The following NEGR1 variants were observed in gnomAD, a reference collection of about 807,000 sequenced individuals.
NEGR1 encodes neuronal growth regulator 1.
Under a neutral mutation model 40.9 loss-of-function variants are expected in NEGR1, and 10 were observed. The observed-to-expected ratio is 0.24, with a 90% CI of 0.15 to 0.42. The LOEUF is 0.42. Among genes scored for constraint, NEGR1 ranks in the 10% least tolerant of loss-of-function variants. The probability of loss-of-function intolerance (pLI) is 1.00; values close to 1 mark genes in which losing one functional copy is unlikely to be tolerated. For synonymous variants in NEGR1, 185 were observed against 166.8 expected (o/e 1.11, Z -0.84); for missense variants, 352 against 438.9 (o/e 0.80, Z 1.77).
chr1:71,444,463 C>T (rs1368134472), intron 6 of NEGR1, among the ~76,000 whole-genome samples: 6 of 151,920 alleles, frequency 3.9e-5, no homozygotes, highest in Non-Finnish European at 5.9e-5. Flanking sequence ...TTCAGATTTC[C>T]GTTTCTATGT....
intron 1 of NEGR1, among the ~76,000 whole-genome samples, chr1:72,257,432 C>G (rs999529231): frequency 6.6e-6 from 1 of 150,874 alleles, no homozygotes; most frequent in Non-Finnish European, 1.5e-5. Context: ...CTCTTCTTAG[C>G]AAATAGGAAG....
intron 4 of NEGR1, among the ~76,000 whole-genome samples, chr1:71,620,303 A>AGTCCACATTGAAAAC (rs1476477919): frequency 6.6e-6 from 1 of 152,050 alleles, no homozygotes; most frequent in Non-Finnish European, 1.5e-5. Context: ...ACGCTGTGGA[A>AGTCCACATTGAAAAC]AATAAGCATG....
chr1:71,868,684 T>A (rs1660192074), intron 2 of NEGR1, among the ~76,000 whole-genome samples: 1 of 152,162 alleles, frequency 6.6e-6, no homozygotes, highest in Admixed American at 6.5e-5. Flanking sequence ...CATATCAAAC[T>A]GCTTCTAGTG....
chr1:71,772,944 G>A, intron 3 of NEGR1, among the ~76,000 whole-genome samples: 1 of 151,970 alleles, frequency 6.6e-6, no homozygotes, highest in East Asian at 1.9e-4. Context: ...CTCAAATATA[G>A]AATGGAAAAA....
intron 2 of NEGR1, among the ~76,000 whole-genome samples, chr1:71,805,264 A>G (rs1472344849): frequency 6.6e-6 from 1 of 151,998 alleles, no homozygotes; most frequent in Non-Finnish European, 1.5e-5. Context: ...GCCTCCATTT[A>G]CCTTGTGATA....
At chr1:71,746,203 T>C (rs1655377349) in intron 3 of NEGR1, among the ~76,000 whole-genome samples, 1 of 152,246 alleles carries the variant, frequency 6.6e-6, no homozygotes, top group Non-Finnish European at 1.5e-5. Context: ...GTGTTGGCCA[T>C]GACCCTTATG....
intron 2 of NEGR1, among the ~76,000 whole-genome samples, chr1:71,807,665 C>A (rs1657826707): frequency 6.6e-6 from 1 of 152,098 alleles, no homozygotes; most frequent in Admixed American, 6.6e-5. Context: ...AGGTAACAAA[C>A]CATTTCAAAT....
chr1:72,075,268 T>C (rs1647675297), intron 1 of NEGR1, among the ~76,000 whole-genome samples: 1 of 152,168 alleles, frequency 6.6e-6, no homozygotes, highest in Admixed American at 6.6e-5. Flanking sequence ...TTACAATTTC[T>C]TGAAAGAAGG....
At chr1:71,850,089 A>T (rs2101811670) in intron 2 of NEGR1, among the ~76,000 whole-genome samples, 1 of 131,416 alleles carries the variant, frequency 7.6e-6, no homozygotes, top group East Asian at 3.1e-4. Flanking sequence ...CTTACATACC[A>T]TTGTGTGTGT....
At chr1:71,426,475 C>T (rs1475004135) in intron 6 of NEGR1, among the ~76,000 whole-genome samples, 1 of 152,146 alleles carries the variant, frequency 6.6e-6, no homozygotes, top group East Asian at 1.9e-4. Context: ...GACAAATCAG[C>T]CTGTAATTTA....
intron 6 of NEGR1, among the ~76,000 whole-genome samples, chr1:71,432,609 G>A (rs529432456): frequency 1.8e-4 from 27 of 152,218 alleles, no homozygotes; most frequent in Non-Finnish European, 3.2e-4. Context: ...CTAAAGGAAC[G>A]AAGGCTAAAA....
intron 6 of NEGR1, among the ~76,000 whole-genome samples, chr1:71,560,427 C>CT (rs1648409464): frequency 2.8e-4 from 9 of 32,322 alleles, no homozygotes; most frequent in South Asian, 1.5e-3. Flanking sequence ...TGTAATTCTC[C>CT]ATTATATATA....
intron 5 of NEGR1, among the ~76,000 whole-genome samples, chr1:71,595,507 T>G (rs747131698): frequency 3.9e-5 from 6 of 152,202 alleles, no homozygotes; most frequent in Non-Finnish European, 7.3e-5. Flanking sequence ...TGTATATGTC[T>G]AGAGAATGTA....
chr1:71,728,818 C>T lies in NEGR1; in HGVS notation c.536-30679G>A, dbSNP rs979151158. 1.2e-4 allele frequency among the ~76,000 whole-genome samples: 19 copies of T among 152,136 alleles called. 1 individual carries two copies. The highest frequency in any genetic ancestry group is 4.3e-4 in the African/African-American group (18 of 41,430). On this transcript the variant is annotated intron_variant, in intron 3 of 6. Transcript: ENST00000357731. ...GTAAGTTTTCTTCAGCTCTTCACTA[C>T]TCCCTTTCTCAAAAGTTATTCTTTC...
intron 2 of NEGR1, among the ~76,000 whole-genome samples, chr1:71,799,980 G>A (rs1232445050): frequency 6.6e-6 from 1 of 152,088 alleles, no homozygotes; most frequent in Non-Finnish European, 1.5e-5. Context: ...CCAAAGTGCT[G>A]GGATTACATG....
chr1:72,061,914 C>T (rs187066994), intron 1 of NEGR1, among the ~76,000 whole-genome samples: 1 of 151,794 alleles, frequency 6.6e-6, no homozygotes, highest in Non-Finnish European at 1.5e-5. Flanking sequence ...AATGGGCTCC[C>T]TGCCTGCAGT....
chr1:71,834,010 G>C (rs1658928542), intron 2 of NEGR1, among the ~76,000 whole-genome samples: 1 of 152,124 alleles, frequency 6.6e-6, no homozygotes, highest in Admixed American at 6.6e-5. Context: ...GCATATGGCA[G>C]ACAATTAATA....
intron 1 of NEGR1, among the ~76,000 whole-genome samples, chr1:72,187,626 C>A (rs1652659582): frequency 1.3e-5 from 2 of 149,914 alleles, no homozygotes; most frequent in South Asian, 4.2e-4. Context: ...AAAAATATTT[C>A]TTTCTAAACA....
intron 1 of NEGR1, among the ~76,000 whole-genome samples, chr1:72,214,617 T>G (rs1653729695): frequency 6.6e-6 from 1 of 151,910 alleles, no homozygotes; most frequent in South Asian, 2.1e-4. Flanking sequence ...TCACAATTGC[T>G]ACAAAGAGAA....
Sources: allele counts gnomAD v4.1 joint callset (sites outside exome capture counted in the v4.1 genomes callset), GRCh38; gene constraint gnomAD v4.1.1; transcripts MANE v1.5; gene names NCBI Gene and HGNC (gene_info 2026-07-23, HGNC 2026-07-21).